The following MOB1B variants were observed in gnomAD, a reference collection of about 807,000 sequenced individuals.
The protein encoded by MOB1B is MOB kinase activator 1B, also known as MOB1 Mps One Binder homolog B.
Under a neutral mutation model 24.4 loss-of-function variants are expected in MOB1B, and 19 were observed. That is an observed-to-expected ratio of 0.78 (90% CI 0.54 to 1.14). MOB1B has a LOEUF of 1.14. Ranked by LOEUF, MOB1B falls within the 50% of genes most tolerant of loss-of-function variation. The probability of loss-of-function intolerance (pLI) is 0.00; values close to 1 mark genes in which losing one functional copy is unlikely to be tolerated. For synonymous variants in MOB1B, 76 were observed against 82.1 expected (o/e 0.93, Z 0.40); for missense variants, 243 against 259.6 (o/e 0.94, Z 0.44).
At chr4:70,938,730 T>C (rs1438384438) in intron 1 of MOB1B, among the ~76,000 whole-genome samples, 2 of 151,150 alleles carry the variant, frequency 1.3e-5, no homozygotes, top group Admixed American at 6.6e-5. Context: ...CTAAATCTTT[T>C]GTGGGATCTA....
intron 1 of MOB1B, among the ~76,000 whole-genome samples, chr4:70,958,169 T>G (rs1738146947): frequency 7.2e-6 from 1 of 138,986 alleles, no homozygotes. Context: ...CTTTTCTTTC[T>G]TTTTTTTTTT....
At chr4:70,913,357 T>A (rs920036605) in intron 1 of MOB1B, among the ~76,000 whole-genome samples, 2 of 152,074 alleles carry the variant, frequency 1.3e-5, no homozygotes, top group Non-Finnish European at 2.9e-5. Context: ...AATGCTGTGG[T>A]GTGACTGTGG....
At chr4:70,981,887 A>T in intron 5 of MOB1B, 93 bp from the exon 6 acceptor site, 1 of 850,294 alleles carries the variant, frequency 1.2e-6, no homozygotes, top group Non-Finnish European at 1.9e-6. Context: ...TTCAAAAGCT[A>T]ATTTCCAACA....
intron 1 of MOB1B, among the ~76,000 whole-genome samples, chr4:70,938,545 C>A (rs535083393): frequency 1.3e-5 from 2 of 152,034 alleles, no homozygotes; most frequent in South Asian, 4.2e-4. Context: ...TAGAATAAAC[C>A]TTTAGCTTTC....
rs1448608514 is a variant in MOB1B, at chr4:70,910,891, G to A, written c.14+8341G>A. On this transcript the variant is annotated intron_variant, in intron 1 of 5. Transcript: ENST00000309395. ...GCAACCTCCGCCTCCTGGATTCAGC[G>A]TTTATCCTGCCTCAGCCTCCAGAAT... 3.9e-5 allele frequency among the ~76,000 whole-genome samples: 6 copies of A among 151,968 alleles called. No individual in the cohort carries two copies. The South Asian group carries it at 1.2e-3, about 32-fold the overall frequency.
In MOB1B at chr4:70,958,960, C is replaced by G; in HGVS notation, c.101C>G (p.Ala34Gly). 3 of 1,614,036 alleles carry G rather than the reference C, an allele frequency of 1.9e-6. No individual in the cohort carries two copies. Among genetic ancestry groups the G allele is most frequent in the East Asian group, 2.2e-5 (1 of 44,878 alleles). ...TATGAGCTCTTAAAACACGCAGAAG[C>G]CACACTTGGCAGTGGCAACCTTCGG... Reference protein sequence around the residue: ...HQYELLKHAEATLGSGNLRMA... With the variant: ...HQYELLKHAEGTLGSGNLRMA... The change falls in exon 2 of 6, where the codon GCC becomes GGC. Residue 34 changes from alanine to glycine, a missense_variant. Transcript: ENST00000309395.
chr4:70,912,602 T>C (rs1375363210), intron 1 of MOB1B, among the ~76,000 whole-genome samples: 1 of 152,150 alleles, frequency 6.6e-6, no homozygotes, highest in Admixed American at 6.6e-5. Context: ...GAAACATTTT[T>C]CAACTTCCAG....
At chr4:70,964,930 C>CAA (rs899053515) in intron 2 of MOB1B, among the ~76,000 whole-genome samples, 107 of 84,548 alleles carry the variant, frequency 1.3e-3, no homozygotes, top group African/African-American at 4.5e-3. Context: ...AACTCCGTCT[C>CAA]AAAAAAAAAA....
In MOB1B at chr4:70,982,085, C is replaced by T; in HGVS notation, c.*28C>T. On this transcript the variant is annotated 3_prime_UTR_variant, in exon 6 of 6. Transcript: ENST00000309395. ...GGATGCAGAGCTGTGCAAATTGTTC[C>T]TCAAATGAAGCAGTGTGGAGTGTAT... The T allele has an allele frequency of 1.3e-6, 2 of 1,518,638 alleles. No individual in the cohort carries two copies. Among genetic ancestry groups the T allele is most frequent in the Non-Finnish European group, 1.8e-6 (2 of 1,095,192 alleles). 94.1% of individuals were successfully genotyped at this position (1,518,638 alleles called of 1,614,324 possible). A position where few individuals can be genotyped will look rare whatever the true frequency, so the allele number is the denominator to read the frequency against.
intron 1 of MOB1B, among the ~76,000 whole-genome samples, chr4:70,930,405 G>A (rs1210528450): frequency 6.6e-6 from 1 of 151,974 alleles, no homozygotes; most frequent in Non-Finnish European, 1.5e-5. Context: ...CTATGCCAGG[G>A]TTTTTAGTTT....
At position 70,979,192 on chromosome 4, in the gene MOB1B, T is replaced by A; in HGVS notation, c.474T>A (p.Val158=). The change falls in exon 5 of 6, where the codon GTT becomes GTA. Residue 158 remains valine, a synonymous_variant. Transcript: ENST00000309395. ...CTATACTCAAACGCCTCTTTAGGGTTTATGCTCACATTTATCATCAGCATT... is the reference window on the plus strand; with the variant it reads ...CTATACTCAAACGCCTCTTTAGGGTATATGCTCACATTTATCATCAGCATT... ...AKTILKRLFR[V]YAHIYHQHFD... is the part of the protein sequence containing the mutation. 2 of 1,613,916 alleles carry A rather than the reference T, an allele frequency of 1.2e-6. No homozygotes were observed. Among genetic ancestry groups the A allele is most frequent in the Non-Finnish European group, 1.7e-6 (2 of 1,179,836 alleles).
intron 2 of MOB1B, among the ~76,000 whole-genome samples, chr4:70,965,273 G>T (rs1738468017): frequency 8.7e-6 from 1 of 115,424 alleles, no homozygotes; most frequent in Admixed American, 1.1e-4. Context: ...CTCCAGCCTG[G>T]ATGACAGAGC....
intron 4 of MOB1B, among the ~76,000 whole-genome samples, chr4:70,977,944 C>T (rs1739065326): frequency 6.6e-6 from 1 of 152,210 alleles, no homozygotes; most frequent in African/African-American, 2.4e-5. Flanking sequence ...CCACCTTGTC[C>T]TCCCAAGCAT....
At chr4:70,934,921 A>T (rs1578366030) in intron 1 of MOB1B, among the ~76,000 whole-genome samples, 1 of 151,614 alleles carries the variant, frequency 6.6e-6, no homozygotes, top group East Asian at 1.9e-4. Context: ...ATTATTTTTA[A>T]TTTTTAAGAT....
intron 3 of MOB1B, among the ~76,000 whole-genome samples, chr4:70,971,158 T>C (rs1158690953): frequency 6.6e-6 from 1 of 152,154 alleles, no homozygotes; most frequent in Non-Finnish European, 1.5e-5. Flanking sequence ...ACTGTCACAC[T>C]CCCCACCTCG....
At chr4:70,926,264 ATT>A (rs750881520) in intron 1 of MOB1B, among the ~76,000 whole-genome samples, 8 of 135,646 alleles carry the variant, frequency 5.9e-5, no homozygotes, top group Non-Finnish European at 4.9e-5. Context: ...GATTACAGCC[ATT>A]TTTTTTTTTT....
intron 1 of MOB1B, among the ~76,000 whole-genome samples, chr4:70,912,937 T>G (rs1353956720): frequency 6.6e-6 from 1 of 152,098 alleles, no homozygotes; most frequent in African/African-American, 2.4e-5. Context: ...ATCATTTTTT[T>G]GTGGAGATAG....
chr4:70,915,086 C>G (rs533696652), intron 1 of MOB1B, among the ~76,000 whole-genome samples: 1 of 152,198 alleles, frequency 6.6e-6, no homozygotes. Flanking sequence ...TTATCATTAT[C>G]TTAACAATGA....
chr4:70,943,133 A>G (rs1737417567), intron 1 of MOB1B, among the ~76,000 whole-genome samples: 1 of 152,206 alleles, frequency 6.6e-6, no homozygotes, highest in African/African-American at 2.4e-5. Flanking sequence ...AAAGTACTTT[A>G]CCTTTTAAAA....
Sources: gnomAD v4.1 joint callset for allele counts (sites outside exome capture counted in the v4.1 genomes callset) on GRCh38, gnomAD v4.1.1 for gene constraint, MANE v1.5 for transcripts, NCBI Gene and HGNC (gene_info 2026-07-23, HGNC 2026-07-21) for gene names.